NPHP4: variants seen among roughly 807,000 people sequenced by gnomAD.
NPHP4 encodes nephrocystin-4.
In NPHP4, 151 loss-of-function variants were observed where a neutral mutation model predicts 155.8. The observed-to-expected ratio is 0.97, with a 90% CI of 0.85 to 1.11. NPHP4 has a LOEUF of 1.11. NPHP4 is among the 50% of genes least tolerant of loss of function. NPHP4 has a pLI of 0.00. For missense variants in NPHP4, 1,956 were observed against 1,925.7 expected (o/e 1.02, Z -0.29); for synonymous variants, 845 against 816.8 (o/e 1.03, Z -0.59).
intron 11 of NPHP4, among the ~76,000 whole-genome samples, chr1:5,921,399 T>C (rs1191218942): frequency 6.6e-6 from 1 of 152,232 alleles, no homozygotes; most frequent in Admixed American, 6.5e-5. Context: ...TAACTAAATA[T>C]TACAAAATCA....
At chr1:5,984,986 T>C (rs113241677) in intron 2 of NPHP4, among the ~76,000 whole-genome samples, 9 of 152,262 alleles carry the variant, frequency 5.9e-5, no homozygotes, top group African/African-American at 2.2e-4. Flanking sequence ...GGCAGCCTCA[T>C]AGAGCTGCTC....
chr1:5,952,115 G>A (rs1291660583), intron 7 of NPHP4, among the ~76,000 whole-genome samples: 1 of 152,174 alleles, frequency 6.6e-6, no homozygotes, highest in Non-Finnish European at 1.5e-5. Context: ...GTGTGAACAG[G>A]CTCTCAGTGA....
intron 11 of NPHP4, among the ~76,000 whole-genome samples, chr1:5,922,826 G>A (rs1216122303): frequency 1.3e-5 from 2 of 151,230 alleles, no homozygotes; most frequent in Non-Finnish European, 2.9e-5. Flanking sequence ...AGCCGGGCAC[G>A]GTGGCACTGC....
At chr1:5,912,253 G>A (rs1402569291) in intron 11 of NPHP4, among the ~76,000 whole-genome samples, 2 of 152,096 alleles carry the variant, frequency 1.3e-5, no homozygotes, top group African/African-American at 4.8e-5. Context: ...AAAAAGTGAC[G>A]ATAGGCCGGG....
intron 16 of NPHP4, among the ~76,000 whole-genome samples, chr1:5,903,606 GA>G (rs548820073): frequency 6.6e-6 from 1 of 151,082 alleles, no homozygotes; most frequent in Non-Finnish European, 1.5e-5. Flanking sequence ...GATACCCGAA[GA>G]AAAAAAAAGT....
chr1:5,904,627 G>A lies in NPHP4; in HGVS notation c.2133C>T (p.Thr711=), dbSNP rs750503168. Residue 711 remains threonine (T), a synonymous_variant, in exon 16 of 30, where the codon ACC becomes ACT. Coordinates refer to ENST00000378156, the MANE Select transcript of NPHP4 (RefSeq NM_015102.5). ...HILVPVSRDG[T]FDAGSPGFQL... is the part of the protein sequence containing the mutation. The stretch of plus-strand genomic sequence containing the variant: ...CACATGAGTACTCACCAGCATCAAA[G>A]GTGCCATCTCTGCTCACAGGCACGA... 5 of 1,608,090 alleles carry A rather than the reference G, an allele frequency of 3.1e-6. No individual in the cohort carries two copies. In the South Asian group the frequency reaches 5.5e-5, roughly 18 times the overall value.
chr1:5,937,206 T>C (rs1461023021), intron 9 of NPHP4, among the ~76,000 whole-genome samples: 1 of 152,014 alleles, frequency 6.6e-6, no homozygotes, highest in Admixed American at 6.5e-5. Context: ...ACCAGGGGTT[T>C]CCTGGGGAGG....
chr1:5,961,104 T>C (rs1490655381), intron 6 of NPHP4, among the ~76,000 whole-genome samples: 1 of 152,168 alleles, frequency 6.6e-6, no homozygotes, highest in Non-Finnish European at 1.5e-5. Flanking sequence ...ACTCTTAGGA[T>C]GAACTAACAG....
intron 3 of NPHP4, among the ~76,000 whole-genome samples, chr1:5,971,958 T>C (rs1047325668): frequency 6.6e-5 from 10 of 152,280 alleles, no homozygotes; most frequent in Admixed American, 6.5e-4. Context: ...TAAATGCTCC[T>C]GTCTTAATGC....
intron 11 of NPHP4, among the ~76,000 whole-genome samples, chr1:5,924,080 A>G (rs1379381152): frequency 3.3e-5 from 5 of 152,234 alleles, no homozygotes; most frequent in South Asian, 4.1e-4. Context: ...GATGAAAACT[A>G]TAATATCTGA....
At chr1:5,895,642 C>G (rs1337607204) in intron 16 of NPHP4, among the ~76,000 whole-genome samples, 1 of 152,130 alleles carries the variant, frequency 6.6e-6, no homozygotes, top group Admixed American at 6.5e-5. Flanking sequence ...TGCCAGTGGC[C>G]CCGGGCAGCG....
chr1:5,958,692 CAAA>C (rs35749567), intron 6 of NPHP4, among the ~76,000 whole-genome samples: 4 of 124,970 alleles, frequency 3.2e-5, no homozygotes, highest in Non-Finnish European at 3.4e-5. Flanking sequence ...AAGACTGTCT[CAAA>C]AAAAAAAAAA....
chr1:5,930,790 T>C (rs1646234548), intron 10 of NPHP4, among the ~76,000 whole-genome samples: 1 of 152,232 alleles, frequency 6.6e-6, no homozygotes, highest in East Asian at 1.9e-4. Flanking sequence ...ATCCAGTTGG[T>C]CGATGGCGAT....
intron 18 of NPHP4, chr1:5,880,453 G>C (rs1012683891): frequency 5.5e-6 from 3 of 542,182 alleles, no homozygotes; most frequent in Admixed American, 6.3e-5. Flanking sequence ...TCATTCTCCT[G>C]CCGTGTCAGT....
At chr1:5,950,801 G>A (rs1647836798) in intron 7 of NPHP4, among the ~76,000 whole-genome samples, 1 of 152,084 alleles carries the variant, frequency 6.6e-6, no homozygotes, top group South Asian at 2.1e-4. Context: ...CTTCCTGCTC[G>A]AGATTCTACT....
chr1:5,938,048 G>A (rs2101811512), intron 9 of NPHP4, among the ~76,000 whole-genome samples: 1 of 152,332 alleles, frequency 6.6e-6, no homozygotes, highest in East Asian at 1.9e-4. Flanking sequence ...ACAGGCGCAG[G>A]AAACAGAGCA....
At position 5,966,244 on chromosome 1, in the gene NPHP4, CGTTTT is replaced by C. The variant is rs930532148; in HGVS notation, c.517+1050_517+1054del. ...TGAGGGGCAAAGGGAGTGGGTTTGA[CGTTTT>C]GTTTTGTTTTGTTTGAGACAGGGTC... On this transcript the variant is annotated intron_variant, in intron 5 of 29. Coordinates refer to ENST00000378156, the MANE Select transcript of NPHP4 (RefSeq NM_015102.5). Among the ~76,000 whole-genome samples, 11 of 152,136 alleles carry C rather than the reference CGTTTT, an allele frequency of 7.2e-5. No individual in the cohort carries two copies. In the East Asian group the frequency reaches 7.7e-4, roughly 11 times the overall value.
chr1:5,868,150 T>G, intron 23 of NPHP4: 2 of 601,640 alleles, frequency 3.3e-6, no homozygotes, highest in Non-Finnish European at 6.2e-6. Flanking sequence ...ACTGCCATTA[T>G]TCCTCGCGAG....
chr1:5,874,550 A>G lies in NPHP4; in HGVS notation c.3152T>C (p.Leu1051Pro). Residue 1051 changes from leucine to proline, a missense_variant, in exon 22 of 30, where the codon CTC (leucine) becomes CCC (proline). Physicochemically the swap from Leu to Pro is moderately conservative, Grantham distance 98. Coordinates refer to ENST00000378156, the MANE Select transcript of NPHP4 (RefSeq NM_015102.5). Reference sequence around the variant, plus strand: ...GGCGGTCTCGTGGGGGCGCAGGTAGAGCTGGGGGGCCAGGCTGCCACGCAG... The same window carrying G: ...GGCGGTCTCGTGGGGGCGCAGGTAGGGCTGGGGGGCCAGGCTGCCACGCAG... ...FHLRGSLAPQ[L>P]YLRPHETAHV... 1.9e-6 allele frequency: 3 copies of G among 1,603,840 alleles called. No homozygotes were observed. Among genetic ancestry groups the G allele is most frequent in the Non-Finnish European group, 2.6e-6 (3 of 1,175,934 alleles).
Sources: gnomAD v4.1 joint callset for allele counts (sites outside exome capture counted in the v4.1 genomes callset) on GRCh38, gnomAD v4.1.1 for gene constraint, MANE v1.5 for transcripts, NCBI Gene and HGNC (gene_info 2026-07-23, HGNC 2026-07-21) for gene names.